PPP1R1C: variants seen among roughly 807,000 people sequenced by gnomAD.
PPP1R1C encodes protein phosphatase 1 regulatory subunit 1C.
A neutral mutation model predicts 17.4 loss-of-function variants in PPP1R1C; 15 were observed. The observed-to-expected ratio is 0.86, with a 90% CI of 0.58 to 1.33. PPP1R1C has a LOEUF of 1.33. PPP1R1C is among the 40% of genes most tolerant of loss of function. The probability of loss-of-function intolerance (pLI) is 0.00; values close to 1 mark genes in which losing one functional copy is unlikely to be tolerated. For missense variants in PPP1R1C, 143 were observed against 130.0 expected, an observed-to-expected ratio of 1.10 and a Z score of -0.48; for synonymous variants, 35 against 43.1, an observed-to-expected ratio of 0.81 and a Z score of 0.73.
At chr2:182,025,789 C>A (rs1341537319) in intron 2 of PPP1R1C, among the ~76,000 whole-genome samples, 3 of 145,120 alleles carry the variant, frequency 2.1e-5, no homozygotes, top group Non-Finnish European at 4.5e-5. Context: ...GCCACACTGA[C>A]TTCCACAATG....
chr2:182,063,574 T>C (rs1687904109), intron 3 of PPP1R1C, among the ~76,000 whole-genome samples, 157 bp from the exon 4 acceptor site: 1 of 152,136 alleles, frequency 6.6e-6, no homozygotes, highest in African/African-American at 2.4e-5. Context: ...ATCACTAACA[T>C]GTATATAATT....
intron 2 of PPP1R1C, among the ~76,000 whole-genome samples, chr2:181,996,513 T>G (rs1180613612): frequency 6.6e-6 from 1 of 152,190 alleles, no homozygotes; most frequent in Non-Finnish European, 1.5e-5. Context: ...TCTACTTCAT[T>G]TAGAATAATT....
At chr2:182,107,673 T>C (rs1689293610) in intron 4 of PPP1R1C, among the ~76,000 whole-genome samples, 1 of 152,090 alleles carries the variant, frequency 6.6e-6, no homozygotes, top group Non-Finnish European at 1.5e-5. Context: ...CACACTACCT[T>C]TCCTTAGTTC....
intron 1 of PPP1R1C, among the ~76,000 whole-genome samples, chr2:181,955,134 A>G (rs1420395756): frequency 6.6e-6 from 1 of 152,234 alleles, no homozygotes; most frequent in Non-Finnish European, 1.5e-5. Flanking sequence ...CCAGATGAAA[A>G]GTGTGACTCA....
intron 1 of PPP1R1C, among the ~76,000 whole-genome samples, chr2:181,969,381 C>T (rs1005845135): frequency 2.0e-5 from 3 of 152,088 alleles, no homozygotes; most frequent in Non-Finnish European, 4.4e-5. Context: ...TTCTAAGATA[C>T]ATATTTTTTT....
chr2:182,006,930 A>G (rs573482939), intron 2 of PPP1R1C, among the ~76,000 whole-genome samples: 4 of 152,302 alleles, frequency 2.6e-5, no homozygotes, highest in Middle Eastern at 3.4e-3. Context: ...GATGTAGTAG[A>G]TATTTCCTTG....
intron 4 of PPP1R1C, among the ~76,000 whole-genome samples, chr2:182,076,221 T>C (rs1688304513): frequency 8.9e-6 from 1 of 112,210 alleles, no homozygotes; most frequent in African/African-American, 3.5e-5. Flanking sequence ...TTTTTTTTTT[T>C]TTTTTTTTTT....
At chr2:182,095,521 T>C (rs1238140557) in intron 4 of PPP1R1C, among the ~76,000 whole-genome samples, 2 of 152,216 alleles carry the variant, frequency 1.3e-5, no homozygotes, top group Admixed American at 1.3e-4. Context: ...TCTTTTATTA[T>C]TAAGCTTGTG....
At chr2:182,114,597 T>G (rs1689528165) in intron 4 of PPP1R1C, among the ~76,000 whole-genome samples, 1 of 152,112 alleles carries the variant, frequency 6.6e-6, no homozygotes. Context: ...AAGGCACACA[T>G]CAACCAATTG....
At chr2:181,982,880 T>C (rs1280767016), upstream of PPP1R1C, among the ~76,000 whole-genome samples, 1 of 152,232 alleles carries the variant, frequency 6.6e-6, no homozygotes, top group Non-Finnish European at 1.5e-5. Context: ...AGAGAGACTA[T>C]AGTTGTTGCT....
intron 4 of PPP1R1C, among the ~76,000 whole-genome samples, chr2:182,066,628 C>A (rs573767719): frequency 7.2e-5 from 11 of 152,142 alleles, no homozygotes; most frequent in Admixed American, 1.3e-4. Flanking sequence ...CTTGTGCTAA[C>A]CATGAGTCAT....
chr2:182,117,354 T>G lies in PPP1R1C; in HGVS notation c.*59T>G. ...TAACTGAACTATTAACTTTTCTGAGTATACCATGGAATTCCACTGCTTGAC... is the reference window on the plus strand; with the variant it reads ...TAACTGAACTATTAACTTTTCTGAGGATACCATGGAATTCCACTGCTTGAC... On this transcript the variant is annotated 3_prime_UTR_variant, in exon 5 of 5. Coordinates refer to ENST00000682840, the MANE Select transcript of PPP1R1C (RefSeq NM_001080545.3). 8.0e-7 allele frequency: 1 copy of G among 1,254,982 alleles called. No individual in the cohort carries two copies. The highest frequency in any genetic ancestry group is 1.4e-5 in the South Asian group (1 of 74,054). The allele number at this position is 1,254,982 out of a possible 1,614,324, so 77.7% of individuals were successfully genotyped here.
At chr2:182,048,140 C>T (rs1049377120) in intron 2 of PPP1R1C, among the ~76,000 whole-genome samples, 2 of 152,174 alleles carry the variant, frequency 1.3e-5, no homozygotes, top group Non-Finnish European at 2.9e-5. Flanking sequence ...AATCTTGGCA[C>T]AACAGGGTAA....
At chr2:182,113,804 T>C (rs75644899) in intron 4 of PPP1R1C, among the ~76,000 whole-genome samples, 2,280 of 152,286 alleles carry the variant, frequency 0.015, 33 homozygotes, top group South Asian at 0.059. Context: ...TCTTACAAAT[T>C]TTGTGTTATC....
At chr2:182,028,634 A>G (rs1372963387) in intron 2 of PPP1R1C, among the ~76,000 whole-genome samples, 1 of 151,974 alleles carries the variant, frequency 6.6e-6, no homozygotes, top group Non-Finnish European at 1.5e-5. Flanking sequence ...ACTTCCAAGT[A>G]TGTGGTCAAT....
upstream of PPP1R1C, among the ~76,000 whole-genome samples, chr2:181,981,069 C>CA (rs1323537536): frequency 5.3e-5 from 8 of 150,474 alleles, no homozygotes; most frequent in Non-Finnish European, 1.0e-4. Context: ...GCTGGGACTA[C>CA]AGGCGCCCGC....
chr2:182,090,950 C>A (rs961355722), intron 4 of PPP1R1C, among the ~76,000 whole-genome samples: 16 of 152,098 alleles, frequency 1.1e-4, no homozygotes, highest in Admixed American at 3.3e-4. Context: ...GTGGAATTGT[C>A]CACAAGTCCT....
intron 2 of PPP1R1C, among the ~76,000 whole-genome samples, chr2:182,040,078 A>G (rs1279367006): frequency 1.3e-5 from 2 of 152,212 alleles, no homozygotes; most frequent in African/African-American, 2.4e-5. Flanking sequence ...GGTTGGTACC[A>G]TATCTTTGCA....
downstream of PPP1R1C, among the ~76,000 whole-genome samples, chr2:182,118,171 A>G (rs1463078365): frequency 6.6e-6 from 1 of 152,124 alleles, no homozygotes; most frequent in African/African-American, 2.4e-5. Context: ...AATTAAACAA[A>G]TATCTTTTAT....
Sources: gnomAD v4.1 joint callset for allele counts (sites outside exome capture counted in the v4.1 genomes callset) on GRCh38, gnomAD v4.1.1 for gene constraint, MANE v1.5 for transcripts, NCBI Gene and HGNC (gene_info 2026-07-23, HGNC 2026-07-21) for gene names.